Variants in AUTS2 observed in about 807,000 individuals in gnomAD.
The protein encoded by AUTS2 is autism susceptibility gene 2 protein.
In AUTS2, 17 loss-of-function variants were observed where a neutral mutation model predicts 112.4. The ratio of observed to expected loss-of-function variants is 0.15; its 90% CI spans 0.10 to 0.23. AUTS2 has a LOEUF of 0.23. Ranked by LOEUF, AUTS2 falls within the 10% of genes least tolerant of loss-of-function variation. The probability of loss-of-function intolerance (pLI) is 1.00; values close to 1 mark genes in which losing one functional copy is unlikely to be tolerated. For synonymous variants in AUTS2, 751 were observed against 702.7 expected (o/e 1.07, Z -1.09); for missense variants, 1,510 against 1,701.6 (o/e 0.89, Z 1.98).
intron 6 of AUTS2, among the ~76,000 whole-genome samples, chr7:70,737,927 A>G (rs1787866060): frequency 6.6e-6 from 1 of 152,210 alleles, no homozygotes; most frequent in African/African-American, 2.4e-5. Flanking sequence ...AAAGAGAAGC[A>G]TTTTAATATA....
intron 5 of AUTS2, among the ~76,000 whole-genome samples, chr7:70,662,253 A>T (rs1807115936): frequency 1.3e-5 from 2 of 152,222 alleles, no homozygotes; most frequent in Admixed American, 1.3e-4. Context: ...CTGGGGCTGC[A>T]TGGAGGGCCT....
chr7:69,888,540 GATATATATATATATATATATAT>G (rs60804022), intron 1 of AUTS2, among the ~76,000 whole-genome samples: 4 of 99,232 alleles, frequency 4.0e-5, no homozygotes, highest in South Asian at 3.7e-4. Context: ...CAACATTGGG[GATATATATATATATATATATAT>G]ATATATATAT....
intron 5 of AUTS2, among the ~76,000 whole-genome samples, chr7:70,576,890 C>T (rs1360495295): frequency 6.6e-6 from 1 of 152,186 alleles, no homozygotes; most frequent in East Asian, 1.9e-4. Context: ...GACCACAGAA[C>T]ACCTAGGAAC....
chr7:70,023,596 C>T (rs1800381340), intron 2 of AUTS2, among the ~76,000 whole-genome samples: 1 of 152,110 alleles, frequency 6.6e-6, no homozygotes, highest in Non-Finnish European at 1.5e-5. Context: ...TAGAAGGGTG[C>T]CTGTAGTAAG....
intron 1 of AUTS2, among the ~76,000 whole-genome samples, chr7:69,791,607 C>G (rs947536834): frequency 6.6e-6 from 1 of 152,120 alleles, no homozygotes; most frequent in African/African-American, 2.4e-5. Flanking sequence ...TTTGAAGGAG[C>G]TGGTTTGCTT....
At chr7:70,692,620 A>G (rs766038803) in intron 5 of AUTS2, among the ~76,000 whole-genome samples, 6 of 152,172 alleles carry the variant, frequency 3.9e-5, no homozygotes, top group East Asian at 1.9e-4. Context: ...ACTGTTACCT[A>G]TATTTTTAAA....
chr7:69,826,171 T>C (rs749177141), intron 1 of AUTS2, among the ~76,000 whole-genome samples: 12 of 152,196 alleles, frequency 7.9e-5, no homozygotes, highest in Non-Finnish European at 1.6e-4. Flanking sequence ...TGTTATTTTT[T>C]GGTTTGTAGA....
intron 4 of AUTS2, among the ~76,000 whole-genome samples, chr7:70,380,946 C>A (rs560107052): frequency 2.0e-5 from 3 of 152,320 alleles, no homozygotes; most frequent in Admixed American, 1.3e-4. Flanking sequence ...AAGTAGTTTT[C>A]TCTTAAAATG....
chr7:70,088,348 C>T (rs1007363734), intron 2 of AUTS2, among the ~76,000 whole-genome samples: 2 of 151,926 alleles, frequency 1.3e-5, no homozygotes, highest in African/African-American at 2.4e-5. Context: ...AGGATCGTCT[C>T]GATTTCCTGA....
At chr7:70,551,249 G>A (rs1202391793) in intron 5 of AUTS2, among the ~76,000 whole-genome samples, 2 of 152,020 alleles carry the variant, frequency 1.3e-5, no homozygotes, top group South Asian at 2.1e-4. Context: ...TCAAGCAGGG[G>A]AAGCATAATG....
chr7:70,370,642 C>T (rs557947610), intron 4 of AUTS2, among the ~76,000 whole-genome samples: 1 of 152,262 alleles, frequency 6.6e-6, no homozygotes, highest in Admixed American at 6.5e-5. Flanking sequence ...CTGTTACAAA[C>T]ATTCATGTGT....
intron 1 of AUTS2, among the ~76,000 whole-genome samples, chr7:69,659,111 G>C (rs545911420): frequency 1.3e-5 from 2 of 152,200 alleles, no homozygotes; most frequent in Non-Finnish European, 2.9e-5. Context: ...AAAATGACCA[G>C]TGCCACAAAT....
At position 69,850,154 on chromosome 7, in the gene AUTS2, C is replaced by T. The variant is rs542501556; in HGVS notation, c.310-49132C>T. Among the ~76,000 whole-genome samples, 9 of 151,556 alleles carry T rather than the reference C, an allele frequency of 5.9e-5. No individual in the cohort carries two copies. In the South Asian group the frequency reaches 1.3e-3, roughly 21 times the overall value. ...TACTAAAAATACAAAAATAAATTAG[C>T]CGGGCGTAGTGGCATGCGCCTGTAG... On this transcript the variant is annotated intron_variant, in intron 1 of 18. Transcript: ENST00000342771.
chr7:70,606,666 G>A (rs1285281139), intron 5 of AUTS2, among the ~76,000 whole-genome samples: 2 of 152,008 alleles, frequency 1.3e-5, no homozygotes, highest in African/African-American at 4.8e-5. Context: ...TTCGAGACCA[G>A]CCTCATCAAA....
intron 2 of AUTS2, among the ~76,000 whole-genome samples, chr7:69,972,611 TA>T (rs1229787167): frequency 6.6e-6 from 1 of 152,102 alleles, no homozygotes; most frequent in African/African-American, 2.4e-5. Context: ...CATTTTGAGA[TA>T]AATTTTTTAT....
intron 5 of AUTS2, among the ~76,000 whole-genome samples, chr7:70,568,152 T>C (rs1801782955): frequency 6.6e-6 from 1 of 152,240 alleles, no homozygotes; most frequent in Admixed American, 6.5e-5. Flanking sequence ...TAAGTCACTT[T>C]GGTCTTTTCT....
intron 2 of AUTS2, among the ~76,000 whole-genome samples, chr7:69,929,253 T>C (rs981514423): frequency 6.6e-6 from 1 of 152,148 alleles, no homozygotes; most frequent in Admixed American, 6.5e-5. Context: ...TTTCTGGTAA[T>C]GTAACTTGTC....
rs145650965 is a variant in AUTS2 at position 70,336,921 on chromosome 7, G to C, written c.661-98831G>C. ...TTACTTACCTGCCTTGGTGTCTTCT[G>C]TCTCGGTCTTACTTTGTTTTTTAGT... On this transcript the variant is annotated intron_variant, in intron 4 of 18. Transcript: ENST00000342771. Among the ~76,000 whole-genome samples, 634 of 152,232 alleles carry C rather than the reference G, an allele frequency of 4.2e-3. 9 individuals are homozygous for C. The highest frequency in any genetic ancestry group is 0.014 in the African/African-American group (593 of 41,536).
At chr7:69,935,127 C>T (rs1047528557) in intron 2 of AUTS2, among the ~76,000 whole-genome samples, 10 of 152,056 alleles carry the variant, frequency 6.6e-5, no homozygotes, top group African/African-American at 2.4e-4. Context: ...GAAATGCAAA[C>T]AGTCACATAA....
Sources: gnomAD v4.1 joint callset for allele counts (sites outside exome capture counted in the v4.1 genomes callset) on GRCh38, gnomAD v4.1.1 for gene constraint, MANE v1.5 for transcripts, NCBI Gene and HGNC (gene_info 2026-07-23, HGNC 2026-07-21) for gene names.